Variants in RNGTT observed in about 807,000 individuals in gnomAD.
RNGTT encodes mRNA-capping enzyme.
RNGTT carries 33 observed loss-of-function variants against 79.3 expected under a neutral mutation model. That is an observed-to-expected ratio of 0.42 (90% CI 0.32 to 0.56). The LOEUF (loss-of-function observed/expected upper bound fraction) is 0.56. Ranked by LOEUF, RNGTT falls within the 20% of genes least tolerant of loss-of-function variation. RNGTT has a pLI of 0.17. For missense variants in RNGTT, 497 were observed against 739.1 expected (o/e 0.67, Z 3.80); for synonymous variants, 222 against 235.9 (o/e 0.94, Z 0.54).
chr6:88,914,296 A>G (rs991651100), intron 4 of RNGTT, among the ~76,000 whole-genome samples: 1 of 152,166 alleles, frequency 6.6e-6, no homozygotes, highest in Non-Finnish European at 1.5e-5. Flanking sequence ...ATTATAAAAT[A>G]TGGAACCAAA....
intron 1 of RNGTT, among the ~76,000 whole-genome samples, chr6:88,962,727 C>A (rs575639826): frequency 6.6e-6 from 1 of 151,878 alleles, no homozygotes; most frequent in Non-Finnish European, 1.5e-5. Flanking sequence ...CAGAGAGAGA[C>A]TATGTCTCAA....
chr6:88,634,980 A>G (rs1773047181), intron 14 of RNGTT, among the ~76,000 whole-genome samples: 1 of 151,944 alleles, frequency 6.6e-6, no homozygotes, highest in Non-Finnish European at 1.5e-5. Flanking sequence ...TGGAGGAAAG[A>G]CTCTTAAGGG....
At chr6:88,901,691 T>C (rs2127940887) in intron 6 of RNGTT, among the ~76,000 whole-genome samples, 1 of 151,986 alleles carries the variant, frequency 6.6e-6, no homozygotes, top group African/African-American at 2.4e-5. Context: ...GTATTTTTAG[T>C]AGAGACGGGG....
At chr6:88,696,464 T>C (rs1775673329) in intron 13 of RNGTT, among the ~76,000 whole-genome samples, 1 of 152,160 alleles carries the variant, frequency 6.6e-6, no homozygotes, top group Non-Finnish European at 1.5e-5. Flanking sequence ...TTCTATGGCT[T>C]ACTTTTACCT....
chr6:88,693,582 G>A (rs1484978343), intron 13 of RNGTT, among the ~76,000 whole-genome samples: 4 of 152,116 alleles, frequency 2.6e-5, no homozygotes, highest in Non-Finnish European at 1.5e-5. Context: ...AATCCAAGAG[G>A]AGAAAATACT....
At chr6:88,764,057 G>C (rs1193855022) in intron 13 of RNGTT, among the ~76,000 whole-genome samples, 1 of 152,160 alleles carries the variant, frequency 6.6e-6, no homozygotes, top group Non-Finnish European at 1.5e-5. Flanking sequence ...CTTGTGGCAA[G>C]AATGACAGCT....
intron 12 of RNGTT, among the ~76,000 whole-genome samples, chr6:88,796,829 T>C (rs1421022236): frequency 6.6e-6 from 1 of 152,178 alleles, no homozygotes; most frequent in African/African-American, 2.4e-5. Flanking sequence ...TTTAGTTCTA[T>C]TGTCTAATAT....
chr6:88,828,529 G>C (rs1376256507), intron 11 of RNGTT, among the ~76,000 whole-genome samples: 1 of 152,098 alleles, frequency 6.6e-6, no homozygotes, highest in Non-Finnish European at 1.5e-5. Context: ...AACAAAACTG[G>C]ATGGAGAATG....
Position 88,836,112 on chromosome 6 carries a change from A to G in RNGTT, c.1269+8245T>C, listed in dbSNP as rs1781071950. Among the ~76,000 whole-genome samples, 3 of 149,494 alleles carry G rather than the reference A, an allele frequency of 2.0e-5. No homozygotes were observed. In the South Asian group the frequency reaches 6.3e-4, roughly 31 times the overall value. ...ATATATATATATGATTTACTACTCC[A>G]AAGGAAGTTATCTGGGACAATAAAT... On this transcript the variant is annotated intron_variant, in intron 11 of 15. Coordinates refer to ENST00000369485, the MANE Select transcript of RNGTT (RefSeq NM_003800.5).
At chr6:88,771,290 A>T (rs1208275803) in intron 12 of RNGTT, among the ~76,000 whole-genome samples, 1 of 110,000 alleles carries the variant, frequency 9.1e-6, no homozygotes. Flanking sequence ...GAAGCACAGG[A>T]CTGTATGTAT....
At chr6:88,829,342 A>G (rs1340821987) in intron 11 of RNGTT, among the ~76,000 whole-genome samples, 1 of 152,206 alleles carries the variant, frequency 6.6e-6, no homozygotes, top group African/African-American at 2.4e-5. Flanking sequence ...TTTTGTCACC[A>G]CCAGGGCTGC....
chr6:88,902,497 G>A (rs1783505458), intron 6 of RNGTT, among the ~76,000 whole-genome samples: 1 of 151,890 alleles, frequency 6.6e-6, no homozygotes, highest in Admixed American at 6.6e-5. Flanking sequence ...AGATACTTGG[G>A]AGGCTTAGGT....
intron 2 of RNGTT, among the ~76,000 whole-genome samples, chr6:88,935,297 T>G (rs1035394311): frequency 6.6e-6 from 1 of 152,230 alleles, no homozygotes. Context: ...TTTACACCAA[T>G]GCCATGCTGT....
chr6:88,634,315 A>G (rs1015633917), intron 14 of RNGTT, among the ~76,000 whole-genome samples: 14 of 152,290 alleles, frequency 9.2e-5, no homozygotes, highest in Middle Eastern at 3.4e-3. Flanking sequence ...CCTGTCTGCC[A>G]GTCTAAAATG....
chr6:88,620,672 A>G (rs1354211068), intron 14 of RNGTT, among the ~76,000 whole-genome samples: 1 of 152,238 alleles, frequency 6.6e-6, no homozygotes, highest in Non-Finnish European at 1.5e-5. Flanking sequence ...TCTTGGAATA[A>G]TGCTCTGAGT....
chr6:88,695,838 T>G (rs1046650386), intron 13 of RNGTT, among the ~76,000 whole-genome samples: 3 of 152,222 alleles, frequency 2.0e-5, no homozygotes, highest in African/African-American at 7.2e-5. Context: ...AGATATTCTG[T>G]CATTTGTGAC....
intron 11 of RNGTT, among the ~76,000 whole-genome samples, chr6:88,817,478 C>CA (rs1160943120): frequency 3.1e-4 from 5 of 16,016 alleles, no homozygotes; most frequent in Admixed American, 2.2e-3. Context: ...CCTGTCTCTA[C>CA]AAAAAAATAA....
chr6:88,679,520 C>T (rs1407320078), intron 13 of RNGTT, among the ~76,000 whole-genome samples: 1 of 152,152 alleles, frequency 6.6e-6, no homozygotes, highest in East Asian at 1.9e-4. Context: ...AAAAGATGTA[C>T]TTATTTCTTA....
At chr6:88,824,064 G>T (rs372517099) in intron 11 of RNGTT, among the ~76,000 whole-genome samples, 1 of 152,058 alleles carries the variant, frequency 6.6e-6, no homozygotes, top group African/African-American at 2.4e-5. Flanking sequence ...AATGTAAAAA[G>T]AATCTATGAT....
Sources: gnomAD v4.1 joint callset for allele counts (sites outside exome capture counted in the v4.1 genomes callset) on GRCh38, gnomAD v4.1.1 for gene constraint, MANE v1.5 for transcripts, NCBI Gene and HGNC (gene_info 2026-07-23, HGNC 2026-07-21) for gene names.